STRA8: variants seen among roughly 807,000 people sequenced by gnomAD.
STRA8 encodes the protein stimulated by retinoic acid gene 8 protein homolog.
In STRA8, 18 loss-of-function variants were observed where a neutral mutation model predicts 37.1. That is an observed-to-expected ratio of 0.48 (90% CI 0.34 to 0.72). The LOEUF is 0.72. STRA8 is among the 30% of genes least tolerant of loss of function. The pLI, the probability that STRA8 is intolerant of heterozygous loss-of-function variation, is 0.01. For missense variants in STRA8, 357 were observed against 410.4 expected, an observed-to-expected ratio of 0.87 and a Z score of 1.13; for synonymous variants, 168 against 162.9, an observed-to-expected ratio of 1.03 and a Z score of -0.24.
chr7:135,258,327 G>C, intron 8 of STRA8, 91 bp from the exon 9 acceptor site: 4 of 1,037,160 alleles, frequency 3.9e-6, no homozygotes, highest in Non-Finnish European at 5.7e-6. Flanking sequence ...TCTGGGGGCT[G>C]GGCACACCGG....
chr7:135,255,035 T>G, intron 7 of STRA8, 79 bp from the exon 8 acceptor site: 1 of 1,179,252 alleles, frequency 8.5e-7, no homozygotes, highest in Non-Finnish European at 1.3e-6. Flanking sequence ...GTAACCCAAA[T>G]CTTTCAGGGG....
rs1053021846 is a variant in STRA8, at chr7:135,237,124, GTAT to G, written c.-7+3225_-7+3227del. ...CTGAAGACAGGGGCAGAGAGAGATG[GTAT>G]TATAGATGGAAGAAGGGGCAGTGGG... On this transcript the variant is annotated intron_variant, in intron 1 of 8. Coordinates refer to ENST00000662584, the MANE Select transcript of STRA8 (RefSeq NM_001394401.1). Among the ~76,000 whole-genome samples, 104 of 152,180 alleles carry G rather than the reference GTAT, an allele frequency of 6.8e-4. 1 individual carries two copies. The highest frequency in any genetic ancestry group is 2.5e-3 in the African/African-American group (102 of 41,442).
chr7:135,254,902 C>T (rs576675609), intron 7 of STRA8, among the ~76,000 whole-genome samples: 1 of 152,302 alleles, frequency 6.6e-6, no homozygotes, highest in African/African-American at 2.4e-5. Context: ...GGCACAGGAG[C>T]CAGTCTCACC....
intron 8 of STRA8, among the ~76,000 whole-genome samples, chr7:135,256,756 G>A (rs569777582): frequency 1.1e-4 from 17 of 152,294 alleles, no homozygotes; most frequent in African/African-American, 4.1e-4. Context: ...AGTGAGCTGA[G>A]ATCAAGCCAC....
At chr7:135,255,945 C>T (rs111827338) in intron 8 of STRA8, among the ~76,000 whole-genome samples, 2,301 of 152,314 alleles carry the variant, frequency 0.015, 59 homozygotes, top group African/African-American at 0.052. Flanking sequence ...TCATCACCTT[C>T]GGTAATATTT....
At chr7:135,233,459 T>C (rs1179829025), upstream of STRA8, among the ~76,000 whole-genome samples, 3 of 152,184 alleles carry the variant, frequency 2.0e-5, no homozygotes, top group Admixed American at 6.5e-5. Context: ...CTGGTGGCAT[T>C]GCCCCATTTG....
At chr7:135,234,273 ATTGT>A (rs1832337860) in intron 1 of STRA8, among the ~76,000 whole-genome samples, 1 of 151,952 alleles carries the variant, frequency 6.6e-6, no homozygotes, top group South Asian at 2.1e-4. Flanking sequence ...CGCCCGGCTA[ATTGT>A]TTGTATTTCT....
In STRA8 at chr7:135,242,800, C is replaced by A. The variant is rs1562970008; in HGVS notation, c.212C>A (p.Ala71Glu). 1 of 1,614,156 alleles carries A rather than the reference C, an allele frequency of 6.2e-7. No homozygotes were observed. ...CCTCAGTGGCAGGTTCTGAATAAGG[C>A]AAAGAGTCATATTCCAGAACTGGAG... ...IASKWQVLNK[A>E]KSHIPELEQT... Residue 71 changes from alanine to glutamate, a missense_variant, in exon 3 of 9, where the codon GCA becomes GAA. By Grantham distance (107) the Ala-to-Glu change is moderately radical. Coordinates refer to ENST00000662584, the MANE Select transcript of STRA8 (RefSeq NM_001394401.1).
chr7:135,254,084 C>T (rs886809758), intron 7 of STRA8, among the ~76,000 whole-genome samples: 36 of 152,286 alleles, frequency 2.4e-4, no homozygotes, highest in Admixed American at 2.2e-3. Flanking sequence ...CTCTCCAAAT[C>T]GACCTTACAG....
At chr7:135,238,736 A>AAG (rs1449106465) in intron 1 of STRA8, among the ~76,000 whole-genome samples, 1 of 152,242 alleles carries the variant, frequency 6.6e-6, no homozygotes, top group East Asian at 1.9e-4. Flanking sequence ...CTTCTGTTCA[A>AAG]AAGGTTCTCA....
intron 7 of STRA8, among the ~76,000 whole-genome samples, chr7:135,252,294 A>G (rs1832648867): frequency 6.6e-6 from 1 of 152,170 alleles, no homozygotes; most frequent in South Asian, 2.1e-4. Context: ...TGAAGGGGGA[A>G]GTGCTACACA....
chr7:135,246,371 CGAGAGGGAGCTTTA>C lies in STRA8; in HGVS notation c.594-44_594-31del. ...CCATGAACCGAATCCCGAATCGCTT[CGAGAGGGAGCTTTA>C]GGGGTGCGAGACGGCGCCGCTTCTG... On this transcript the variant is annotated intron_variant, in intron 5 of 8. Coordinates refer to ENST00000662584, the MANE Select transcript of STRA8 (RefSeq NM_001394401.1). The surrounding 1 kb of genome is among the most constrained non-coding windows in gnomAD (Gnocchi z 5.4). 1 of 1,569,072 alleles carries C rather than the reference CGAGAGGGAGCTTTA, an allele frequency of 6.4e-7. No individual in the cohort carries two copies. The highest frequency in any genetic ancestry group is 8.7e-7 in the Non-Finnish European group (1 of 1,155,754).
In STRA8 at chr7:135,251,812, C is replaced by A. The variant is rs1832637740; in HGVS notation, c.896C>A (p.Ala299Asp). The change falls in exon 7 of 9, where the codon GCC becomes GAC. Residue 299 changes from alanine (A) to aspartate (D), a missense_variant. Transcript: ENST00000662584. ...STPEEILFEDAFDVASFLDKS... is the reference protein window; with the variant it reads ...STPEEILFEDDFDVASFLDKS... ...TTCTTTCAGATCCTTTTTGAGGATG[C>A]CTTTGATGTGGCAAGCTTCCTGGAC... 1.2e-6 allele frequency: 2 copies of A among 1,613,954 alleles called. No individual in the cohort carries two copies. Among genetic ancestry groups the A allele is most frequent in the Non-Finnish European group, 1.7e-6 (2 of 1,179,986 alleles).
At chr7:135,240,472 A>C in intron 1 of STRA8, 47 bp from the exon 2 acceptor site, 2 of 1,565,168 alleles carry the variant, frequency 1.3e-6, no homozygotes, top group Middle Eastern at 1.7e-4. Flanking sequence ...TTAATATTGT[A>C]TTTTTATTAT....
intron 7 of STRA8, among the ~76,000 whole-genome samples, chr7:135,252,096 G>T (rs1019332221): frequency 6.6e-6 from 1 of 151,664 alleles, no homozygotes; most frequent in African/African-American, 2.4e-5. Context: ...CCCTAGATGG[G>T]TGTTGTATTA....
intron 1 of STRA8, among the ~76,000 whole-genome samples, chr7:135,237,066 G>C (rs951914700): frequency 4.9e-4 from 75 of 152,148 alleles, no homozygotes; most frequent in African/African-American, 1.7e-3. Flanking sequence ...GACTTAAACT[G>C]GGAAGGGCAA....
In STRA8 at chr7:135,239,566, C is replaced by T. The variant is rs982552734; in HGVS notation, c.-6-953C>T. Among the ~76,000 whole-genome samples, 7 of 152,306 alleles carry T rather than the reference C, an allele frequency of 4.6e-5. No homozygotes were observed. In the East Asian group the frequency reaches 5.8e-4, roughly 13 times the overall value. On this transcript the variant is annotated intron_variant, in intron 1 of 8. Coordinates refer to ENST00000662584, the MANE Select transcript of STRA8 (RefSeq NM_001394401.1). ...ACTGAGGGTACAGAAGTGACGAAGTCGCAGCCTCCCTGTCCAAAGAGCAGA... is the reference window on the plus strand; with the variant it reads ...ACTGAGGGTACAGAAGTGACGAAGTTGCAGCCTCCCTGTCCAAAGAGCAGA...
chr7:135,246,123 AG>A lies in STRA8; in HGVS notation c.594-293del. The A allele has an allele frequency of 2.1e-6, 1 of 466,590 alleles. No individual in the cohort carries two copies. Among genetic ancestry groups the A allele is most frequent in the South Asian group, 2.4e-5 (1 of 41,460 alleles). The allele number at this position is 466,590 out of a possible 1,614,324, so 28.9% of individuals were successfully genotyped here. The stretch of plus-strand genomic sequence containing the variant: ...TTCAAGAATATTCCCTTAGGATGAG[AG>A]CTGAGGCAGCTACGCCTCTTATCTG... On this transcript the variant is annotated intron_variant, in intron 5 of 8. Coordinates refer to ENST00000662584, the MANE Select transcript of STRA8 (RefSeq NM_001394401.1). The surrounding 1 kb of genome is among the most constrained non-coding windows in gnomAD (Gnocchi z 5.4).
chr7:135,247,434 T>A (rs1832577478), intron 6 of STRA8, among the ~76,000 whole-genome samples: 1 of 152,228 alleles, frequency 6.6e-6, no homozygotes, highest in Admixed American at 6.5e-5. Context: ...CTCCGGCTCC[T>A]GTGGCTATGG....
Sources: allele counts gnomAD v4.1 joint callset (sites outside exome capture counted in the v4.1 genomes callset), GRCh38; gene constraint gnomAD v4.1.1; non-coding constraint Gnocchi (gnomAD v3.1); transcripts MANE v1.5; gene names NCBI Gene and HGNC (gene_info 2026-07-23, HGNC 2026-07-21).